Variants in ADCY2 observed in about 807,000 individuals in gnomAD.
The protein encoded by ADCY2 is adenylate cyclase type 2.
ADCY2 carries 31 observed loss-of-function variants against 125.2 expected under a neutral mutation model. The ratio of observed to expected loss-of-function variants is 0.25; its 90% CI spans 0.19 to 0.33. The LOEUF (loss-of-function observed/expected upper bound fraction) is 0.33, where lower values mean the gene tolerates loss of function less well. ADCY2 is among the 10% of genes least tolerant of loss of function. The probability of loss-of-function intolerance (pLI) is 1.00; values close to 1 mark genes in which losing one functional copy is unlikely to be tolerated. For synonymous variants in ADCY2, 512 were observed against 548.4 expected (o/e 0.93, Z 0.93); for missense variants, 904 against 1,418.2 (o/e 0.64, Z 5.82).
At chr5:7,599,234 A>C (rs575453725) in intron 3 of ADCY2, among the ~76,000 whole-genome samples, 4 of 152,338 alleles carry the variant, frequency 2.6e-5, no homozygotes, top group South Asian at 4.1e-4. Context: ...GGGACAGCCC[A>C]GGGGCAGTAC....
intron 20 of ADCY2, chr5:7,794,560 C>T (rs1744364550): frequency 6.7e-6 from 1 of 149,640 alleles, no homozygotes; most frequent in Non-Finnish European, 1.5e-5. Flanking sequence ...CAAAAGTTCT[C>T]AGAGTTCCCA....
At chr5:7,576,472 A>G (rs1736255377) in intron 3 of ADCY2, among the ~76,000 whole-genome samples, 1 of 152,236 alleles carries the variant, frequency 6.6e-6, no homozygotes, top group Non-Finnish European at 1.5e-5. Context: ...TAGGTGAAAC[A>G]GGCTTATACA....
intron 2 of ADCY2, among the ~76,000 whole-genome samples, chr5:7,479,072 C>T (rs1007735705): frequency 2.0e-5 from 3 of 151,954 alleles, no homozygotes; most frequent in Admixed American, 6.6e-5. Context: ...CATAGATTTG[C>T]GATGTATTAT....
intron 1 of ADCY2, among the ~76,000 whole-genome samples, chr5:7,402,955 C>T (rs1246094429): frequency 6.6e-6 from 1 of 152,008 alleles, no homozygotes; most frequent in East Asian, 1.9e-4. Flanking sequence ...TAATGGGAGC[C>T]CTGCCTGCAA....
At chr5:7,673,404 C>T (rs1391575777) in intron 4 of ADCY2, among the ~76,000 whole-genome samples, 5 of 150,704 alleles carry the variant, frequency 3.3e-5, no homozygotes, top group Non-Finnish European at 7.4e-5. Context: ...AGCCACTGCA[C>T]TCCAGCCTGG....
intron 3 of ADCY2, among the ~76,000 whole-genome samples, chr5:7,581,056 T>C (rs1283036229): frequency 6.6e-6 from 1 of 152,226 alleles, no homozygotes; most frequent in Non-Finnish European, 1.5e-5. Flanking sequence ...AGACGTGAAC[T>C]GTATGAGAAA....
chr5:7,507,094 G>T (rs948001799), intron 2 of ADCY2, among the ~76,000 whole-genome samples: 2 of 151,282 alleles, frequency 1.3e-5, no homozygotes, highest in Non-Finnish European at 2.9e-5. Flanking sequence ...CTTCACACGC[G>T]GGAGGGCTTG....
chr5:7,698,131 C>T (rs1411222978), intron 6 of ADCY2, 116 bp from the exon 7 acceptor site: 2 of 1,294,284 alleles, frequency 1.5e-6, no homozygotes, highest in Non-Finnish European at 2.2e-6. Flanking sequence ...TCTCATTGCT[C>T]TCTCCAGATG....
At chr5:7,440,592 C>T (rs1740976571) in intron 2 of ADCY2, among the ~76,000 whole-genome samples, 1 of 152,142 alleles carries the variant, frequency 6.6e-6, no homozygotes, top group Non-Finnish European at 1.5e-5. Flanking sequence ...TAATTCAGCC[C>T]TTCCAGAGTC....
chr5:7,729,828 G>T (rs1449771286), intron 14 of ADCY2, among the ~76,000 whole-genome samples: 1 of 147,844 alleles, frequency 6.8e-6, no homozygotes, highest in African/African-American at 2.5e-5. Context: ...TTATATTAAA[G>T]AATAAAATAT....
intron 14 of ADCY2, among the ~76,000 whole-genome samples, chr5:7,732,900 T>C (rs773813643): frequency 4.6e-5 from 7 of 152,202 alleles, no homozygotes; most frequent in Non-Finnish European, 4.4e-5. Flanking sequence ...TTTGAATAGA[T>C]AGAATTAAAT....
chr5:7,804,767 C>T, intron 22 of ADCY2, 75 bp downstream of exon 22: 1 of 1,004,780 alleles, frequency 1.0e-6, no homozygotes, highest in Non-Finnish European at 1.6e-6. Context: ...ACCAAAACAG[C>T]CATGAAATGC....
rs1745529006 is a variant in ADCY2 at position 7,827,517 on chromosome 5, G to A, written c.*646G>A. The stretch of plus-strand genomic sequence containing the variant: ...CTTTTGTAAAGTTAATTCATTAAAA[G>A]TTTTATGTACTTTGATTTACAGTGC... On this transcript the variant is annotated 3_prime_UTR_variant, in exon 25 of 25. Transcript: ENST00000338316. 1 of 152,386 alleles carries A rather than the reference G, an allele frequency of 6.6e-6. No homozygotes were observed. Among genetic ancestry groups the A allele is most frequent in the Non-Finnish European group, 1.5e-5 (1 of 68,040 alleles). 9.4% of individuals were successfully genotyped at this position (152,386 alleles called of 1,614,324 possible). A position where few individuals can be genotyped will look rare whatever the true frequency, so the allele number is the denominator to read the frequency against.
At chr5:7,538,655 A>G (rs1243955782) in intron 3 of ADCY2, among the ~76,000 whole-genome samples, 1 of 152,068 alleles carries the variant, frequency 6.6e-6, no homozygotes, top group Non-Finnish European at 1.5e-5. Context: ...ATATCCCATA[A>G]TGGTTTTCTA....
At chr5:7,568,097 A>G (rs778791374) in intron 3 of ADCY2, among the ~76,000 whole-genome samples, 4 of 152,114 alleles carry the variant, frequency 2.6e-5, no homozygotes, top group Non-Finnish European at 5.9e-5. Flanking sequence ...TTTTAGAAAT[A>G]TTTCACTTTT....
intron 1 of ADCY2, among the ~76,000 whole-genome samples, chr5:7,404,420 A>G (rs1351842020): frequency 6.6e-6 from 1 of 152,216 alleles, no homozygotes; most frequent in East Asian, 1.9e-4. Flanking sequence ...GATTAACACA[A>G]CACAACAAAT....
At chr5:7,480,501 A>G (rs766140829) in intron 2 of ADCY2, among the ~76,000 whole-genome samples, 6 of 152,218 alleles carry the variant, frequency 3.9e-5, no homozygotes, top group African/African-American at 1.2e-4. Flanking sequence ...TAATACATGA[A>G]CAGAAAACCA....
intron 3 of ADCY2, among the ~76,000 whole-genome samples, chr5:7,587,034 CT>C (rs1415919514): frequency 6.6e-6 from 1 of 152,182 alleles, no homozygotes; most frequent in African/African-American, 2.4e-5. Context: ...GTTTAATCCC[CT>C]AGTTTACAGG....
intron 3 of ADCY2, among the ~76,000 whole-genome samples, chr5:7,608,292 T>G (rs1018196460): frequency 6.6e-6 from 1 of 152,108 alleles, no homozygotes; most frequent in Admixed American, 6.6e-5. Context: ...ATTTAAATGC[T>G]TAAAACAGGC....
Sources: gnomAD v4.1 joint callset for allele counts (sites outside exome capture counted in the v4.1 genomes callset) on GRCh38, gnomAD v4.1.1 for gene constraint, MANE v1.5 for transcripts, NCBI Gene and HGNC (gene_info 2026-07-23, HGNC 2026-07-21) for gene names.